The following PTPRD variants were observed in gnomAD, a reference collection of about 807,000 sequenced individuals.
The protein encoded by PTPRD is protein tyrosine phosphatase receptor type D.
A neutral mutation model predicts 214.5 loss-of-function variants in PTPRD; 34 were observed. The ratio of observed to expected loss-of-function variants is 0.16; its 90% confidence interval spans 0.12 to 0.21. The LOEUF (loss-of-function observed/expected upper bound fraction) is 0.21, where lower values mean the gene tolerates loss of function less well. Among genes scored for constraint, PTPRD ranks in the 10% least tolerant of loss-of-function variants. The probability of loss-of-function intolerance (pLI) is 1.00; values close to 1 mark genes in which losing one functional copy is unlikely to be tolerated. For missense variants in PTPRD, 2,545 were observed against 2,398.7 expected (o/e 1.06, Z -1.27); for synonymous variants, 1,128 against 845.7 (o/e 1.33, Z -5.79).
At chr9:8,928,982 ACT>A (rs760609871) in intron 11 of PTPRD, among the ~76,000 whole-genome samples, 1 of 151,332 alleles carries the variant, frequency 6.6e-6, no homozygotes, top group Non-Finnish European at 1.5e-5. Flanking sequence ...TCATGATTTG[ACT>A]CTCTGTCTAT....
intron 2 of PTPRD, among the ~76,000 whole-genome samples, chr9:10,495,281 A>G (rs1173411676): frequency 2.0e-5 from 3 of 151,790 alleles, no homozygotes; most frequent in Non-Finnish European, 4.4e-5. Flanking sequence ...TCTCTTTTCC[A>G]CAAAGTCAAG....
rs1222836668 is a variant in PTPRD at position 8,934,413 on chromosome 9, GTGTGTGTGTA to G, written c.-104+84274_-104+84283del. 1.2e-4 allele frequency among the ~76,000 whole-genome samples: 5 copies of G among 41,004 alleles called. 1 individual carries two copies. Among genetic ancestry groups the G allele is most frequent in the African/African-American group, 2.0e-4 (2 of 10,060 alleles). 26.9% of individuals were successfully genotyped at this position (41,004 alleles called of 152,430 possible). On this transcript the variant is annotated intron_variant, in intron 11 of 45. Coordinates refer to ENST00000381196, the MANE Select transcript of PTPRD (RefSeq NM_002839.4). Reference sequence around the variant, plus strand: ...TAATTATGTGTGTGTGTGTGTGTGTGTGTGTGTGTATATATATATATAAATATATATATAA... The same window carrying G: ...TAATTATGTGTGTGTGTGTGTGTGTGTATATATATATAAATATATATATAA...
At chr9:9,186,525 C>A (rs901153513) in intron 9 of PTPRD, among the ~76,000 whole-genome samples, 2 of 151,792 alleles carry the variant, frequency 1.3e-5, no homozygotes, top group Non-Finnish European at 2.9e-5. Context: ...GTGGGAAGAT[C>A]GATTGAGCTC....
intron 11 of PTPRD, among the ~76,000 whole-genome samples, chr9:9,011,494 A>C (rs1381710426): frequency 6.6e-6 from 1 of 152,288 alleles, no homozygotes; most frequent in African/African-American, 2.4e-5. Context: ...GGTGTACATT[A>C]AGAAAAAACT....
intron 35 of PTPRD, among the ~76,000 whole-genome samples, chr9:8,419,719 T>C (rs1294294819): frequency 6.6e-6 from 1 of 151,930 alleles, no homozygotes. Context: ...CAAAATACTA[T>C]GCCTGTTAAC....
intron 11 of PTPRD, among the ~76,000 whole-genome samples, chr9:8,991,920 A>T (rs1344859816): frequency 6.6e-6 from 1 of 151,778 alleles, no homozygotes; most frequent in African/African-American, 2.4e-5. Flanking sequence ...ACTAAATTTT[A>T]AAGTTATTTT....
At chr9:8,423,865 C>CAA (rs1280249620) in intron 35 of PTPRD, among the ~76,000 whole-genome samples, 3 of 152,032 alleles carry the variant, frequency 2.0e-5, no homozygotes, top group Non-Finnish European at 4.4e-5. Context: ...GATCAGAAGT[C>CAA]AAAGGCAGTC....
intron 4 of PTPRD, among the ~76,000 whole-genome samples, chr9:10,029,793 T>C (rs986339171): frequency 3.9e-5 from 6 of 152,062 alleles, no homozygotes; most frequent in Admixed American, 1.3e-4. Flanking sequence ...ACTTCGAGGG[T>C]CTGTTAGGAA....
intron 2 of PTPRD, among the ~76,000 whole-genome samples, chr9:10,592,032 A>G (rs961344856): frequency 2.0e-5 from 3 of 152,120 alleles, no homozygotes; most frequent in African/African-American, 4.8e-5. Flanking sequence ...GTCACTCAGC[A>G]TAAGAGTACT....
At chr9:9,176,357 G>T (rs1228382871) in intron 10 of PTPRD, among the ~76,000 whole-genome samples, 1 of 152,164 alleles carries the variant, frequency 6.6e-6, no homozygotes, top group Non-Finnish European at 1.5e-5. Flanking sequence ...TTAGAAGTCA[G>T]TCTCTATCTA....
rs2136838803 is a variant in PTPRD at position 8,499,804 on chromosome 9, G to C, written c.2165C>G (p.Ala722Gly). 6.2e-7 allele frequency: 1 copy of C among 1,613,050 alleles called. No homozygotes were observed. Among genetic ancestry groups the C allele is most frequent in the Non-Finnish European group, 8.5e-7 (1 of 1,179,632 alleles). ...GACTTTAACAGATGTTGAGTTGACA[G>C]CCTCTACCTCGACTTTGCGAGGAGG... Reference protein sequence around the residue: ...SGPPRKVEVEAVNSTSVKVSW... With the variant: ...SGPPRKVEVEGVNSTSVKVSW... Residue 722 changes from alanine to glycine, a missense_variant, in exon 25 of 46, where the codon GCT becomes GGT. Coordinates refer to ENST00000381196, the MANE Select transcript of PTPRD (RefSeq NM_002839.4).
At chr9:8,859,309 T>C (rs576798248) in intron 11 of PTPRD, among the ~76,000 whole-genome samples, 2 of 152,210 alleles carry the variant, frequency 1.3e-5, no homozygotes, top group Non-Finnish European at 2.9e-5. Context: ...GCACTCTTCA[T>C]CCACACAACC....
At chr9:8,997,133 A>G (rs748073109) in intron 11 of PTPRD, among the ~76,000 whole-genome samples, 28 of 152,040 alleles carry the variant, frequency 1.8e-4, no homozygotes, top group Admixed American at 7.2e-4. Context: ...ATTTGGACAA[A>G]CTGTGACTAG....
intron 5 of PTPRD, among the ~76,000 whole-genome samples, chr9:9,795,398 A>G (rs1397918069): frequency 6.6e-6 from 1 of 152,186 alleles, no homozygotes; most frequent in African/African-American, 2.4e-5. Context: ...TCTGATCACA[A>G]TATTGAGGGC....
intron 2 of PTPRD, among the ~76,000 whole-genome samples, chr9:10,472,042 A>C (rs1286454478): frequency 1.3e-5 from 2 of 152,136 alleles, no homozygotes; most frequent in African/African-American, 4.8e-5. Flanking sequence ...ATGAGATATC[A>C]CAAAATGATA....
chr9:9,685,187 A>G (rs1180203393), intron 7 of PTPRD, among the ~76,000 whole-genome samples: 1 of 151,338 alleles, frequency 6.6e-6, no homozygotes, highest in African/African-American at 2.4e-5. Flanking sequence ...TGTGAAAAAT[A>G]AAAGTTTCTG....
intron 5 of PTPRD, among the ~76,000 whole-genome samples, chr9:9,783,209 C>T (rs1157985815): frequency 6.6e-6 from 1 of 152,118 alleles, no homozygotes; most frequent in Non-Finnish European, 1.5e-5. Context: ...TATTTGCTAT[C>T]CTCAAATGAT....
chr9:8,605,591 C>G (rs1206105687), intron 14 of PTPRD, among the ~76,000 whole-genome samples: 1 of 152,304 alleles, frequency 6.6e-6, no homozygotes, highest in East Asian at 1.9e-4. Context: ...TACTAAGCCT[C>G]TGGAAGCCTC....
chr9:9,727,397 C>T (rs1437990906), intron 7 of PTPRD, among the ~76,000 whole-genome samples: 1 of 152,038 alleles, frequency 6.6e-6, no homozygotes, highest in African/African-American at 2.4e-5. Flanking sequence ...GTGCAATGAG[C>T]CAAGATCGCA....
Sources: allele counts gnomAD v4.1 joint callset (sites outside exome capture counted in the v4.1 genomes callset), GRCh38; gene constraint gnomAD v4.1.1; transcripts MANE v1.5; gene names NCBI Gene and HGNC (gene_info 2026-07-23, HGNC 2026-07-21).